INSC: variants seen among roughly 807,000 people sequenced by gnomAD.
INSC encodes protein inscuteable homolog.
In INSC, 67 loss-of-function variants were observed where a neutral mutation model predicts 58.6. The observed-to-expected ratio is 1.14, with a 90% CI of 0.94 to 1.40. The LOEUF (loss-of-function observed/expected upper bound fraction) is 1.40. INSC is among the 40% of genes most tolerant of loss of function. The pLI, the probability that INSC is intolerant of heterozygous loss-of-function variation, is 0.00. For synonymous variants in INSC, 262 were observed against 276.1 expected (o/e 0.95, Z 0.51); for missense variants, 714 against 692.0 (o/e 1.03, Z -0.36).
chr11:15,250,491 G>A (rs1484053464), downstream of INSC, among the ~76,000 whole-genome samples: 2 of 152,122 alleles, frequency 1.3e-5, no homozygotes, highest in African/African-American at 4.8e-5. Context: ...CTTATGCTGG[G>A]CCCCCTTGAT....
chr11:15,121,187 G>A (rs141548629), intron 1 of INSC, among the ~76,000 whole-genome samples: 5 of 151,956 alleles, frequency 3.3e-5, no homozygotes, highest in African/African-American at 9.7e-5. Flanking sequence ...AGTGCAATTC[G>A]GTCCTAATAA....
At chr11:15,227,265 G>A (rs1851676594) in intron 9 of INSC, among the ~76,000 whole-genome samples, 1 of 152,276 alleles carries the variant, frequency 6.6e-6, no homozygotes, top group Admixed American at 6.5e-5. Flanking sequence ...CTGGGTGTTG[G>A]TCCTGCCTGG....
intron 7 of INSC, among the ~76,000 whole-genome samples, chr11:15,209,872 C>A (rs932146653): frequency 6.6e-6 from 1 of 152,110 alleles, no homozygotes; most frequent in African/African-American, 2.4e-5. Context: ...CAGTTTCAGA[C>A]CCTGATGAGG....
Position 15,147,857 on chromosome 11 carries a change from A to G in INSC, c.-45-1273A>G, listed in dbSNP as rs538421213. 4.6e-5 allele frequency among the ~76,000 whole-genome samples: 7 copies of G among 152,262 alleles called. No homozygotes were observed. The South Asian group carries it at 1.5e-3, about 32-fold the overall frequency. On this transcript the variant is annotated intron_variant, in intron 1 of 12. Coordinates refer to ENST00000379556, the MANE Select transcript of INSC (RefSeq NM_001042536.3). ...GGAGTGCTTTGTGTTCACCCACATC[A>G]CTATTAAAGTGCTCCTCCTCCATTC... is the stretch of plus-strand genomic sequence containing the variant.
chr11:15,243,966 A>T (rs1852462269), intron 12 of INSC, among the ~76,000 whole-genome samples: 1 of 126,480 alleles, frequency 7.9e-6, no homozygotes, highest in African/African-American at 3.0e-5. Flanking sequence ...CTGTTTTAAT[A>T]TTTCCTTCTT....
At chr11:15,136,808 A>T (rs148580007) in intron 1 of INSC, among the ~76,000 whole-genome samples, 1 of 152,300 alleles carries the variant, frequency 6.6e-6, no homozygotes, top group African/African-American at 2.4e-5. Context: ...ATTGGAATCA[A>T]CTTCTTCCAA....
chr11:15,167,378 A>G (rs1263730343), intron 2 of INSC, among the ~76,000 whole-genome samples: 1 of 152,032 alleles, frequency 6.6e-6, no homozygotes, highest in Non-Finnish European at 1.5e-5. Flanking sequence ...AATTTGTTCT[A>G]TGTTTTCTTC....
At chr11:15,241,686 C>T in intron 12 of INSC, 1 of 699,962 alleles carries the variant, frequency 1.4e-6, no homozygotes, top group Non-Finnish European at 2.6e-6. Context: ...TCTGGTGAAG[C>T]TTACGGAGCC....
intron 2 of INSC, among the ~76,000 whole-genome samples, chr11:15,169,589 TG>T (rs35631743): frequency 0.44 from 67,346 of 151,812 alleles, 15,823 homozygotes; most frequent in East Asian, 0.86. Flanking sequence ...TCACCCAGGC[TG>T]GAGTGTAGTG....
In INSC at chr11:15,200,909, C is replaced by T. The variant is rs774542334; in HGVS notation, c.779C>T (p.Ser260Phe). 1 of 1,613,028 alleles carries T rather than the reference C, an allele frequency of 6.2e-7. No individual in the cohort carries two copies. Among genetic ancestry groups the T allele is most frequent in the Admixed American group, 1.7e-5 (1 of 59,932 alleles). The change falls in exon 7 of 13, where the codon TCC becomes TTC. Residue 260 changes from serine to phenylalanine, a missense_variant. Transcript: ENST00000379556. ...CCCCAGGCGCTCCGCACGCTGGCCT[C>T]CATCTGCTGCGTGGAAGAGGGTGTC... Reference protein sequence around the residue: ...LYPQALRTLASICCVEEGVHQ... With the variant: ...LYPQALRTLAFICCVEEGVHQ...
intron 6 of INSC, among the ~76,000 whole-genome samples, chr11:15,198,050 C>T (rs947343227): frequency 6.6e-6 from 1 of 152,202 alleles, no homozygotes; most frequent in Non-Finnish European, 1.5e-5. Flanking sequence ...AAGACCAATC[C>T]ATTTTATTTC....
chr11:15,177,171 T>C lies in INSC; in HGVS notation c.455+8T>C. The C allele has an allele frequency of 6.2e-7, 1 of 1,613,350 alleles. No individual in the cohort carries two copies. The highest frequency in any genetic ancestry group is 2.2e-5 in the East Asian group (1 of 44,868). ...CTCGGCAGTCACAGAGAGGTAAATT[T>C]GGACCATAGATCTCCCAGGGTCTGC... is the stretch of plus-strand genomic sequence containing the variant. On this transcript the variant is annotated splice_region_variant and intron_variant, in intron 4 of 12. Coordinates refer to ENST00000379556, the MANE Select transcript of INSC (RefSeq NM_001042536.3).
chr11:15,258,311 G>C, the INSC span, among the ~76,000 whole-genome samples: 1 of 152,158 alleles, frequency 6.6e-6, no homozygotes, highest in Non-Finnish European at 1.5e-5. Flanking sequence ...CTGGGTCAGA[G>C]ACTGAAGATG....
chr11:15,205,529 T>C (rs943443800), intron 7 of INSC, among the ~76,000 whole-genome samples: 5 of 152,208 alleles, frequency 3.3e-5, no homozygotes, highest in Non-Finnish European at 5.9e-5. Flanking sequence ...GCTACTGTGA[T>C]TGTGGCAGGT....
intron 1 of INSC, among the ~76,000 whole-genome samples, chr11:15,148,888 A>G (rs1412069462): frequency 6.6e-6 from 1 of 152,248 alleles, no homozygotes; most frequent in East Asian, 1.9e-4. Flanking sequence ...ATATTTGGCA[A>G]TTGGAATAAG....
intron 7 of INSC, among the ~76,000 whole-genome samples, chr11:15,215,066 A>G (rs1249673265): frequency 1.3e-5 from 2 of 152,210 alleles, no homozygotes; most frequent in African/African-American, 2.4e-5. Context: ...ACTCCCTGGG[A>G]AGAATCTCAG....
At chr11:15,178,770 C>T (rs1849662770) in intron 5 of INSC, among the ~76,000 whole-genome samples, 2 of 152,304 alleles carry the variant, frequency 1.3e-5, no homozygotes, top group Middle Eastern at 3.4e-3. Context: ...TTATTACTCC[C>T]ACCCTTCCCA....
rs951377459 is a variant in INSC at position 15,125,577 on chromosome 11, T to C, written c.-46+10574T>C. ...TTCATTTCATTTTCTATTCTACAGA[T>C]GTCTCTGTAACCCTGCCTACATATG... On this transcript the variant is annotated intron_variant, in intron 1 of 12. Transcript: ENST00000379556. 2.0e-5 allele frequency among the ~76,000 whole-genome samples: 3 copies of C among 152,246 alleles called. No individual in the cohort carries two copies. The South Asian group carries it at 6.2e-4, about 32-fold the overall frequency.
chr11:15,157,665 G>T lies in INSC; in HGVS notation c.56+8435G>T, dbSNP rs80026078. Among the ~76,000 whole-genome samples, 741 of 152,296 alleles carry T rather than the reference G, an allele frequency of 4.9e-3. 9 individuals are homozygous for T. Among genetic ancestry groups the T allele is most frequent in the African/African-American group, 0.017 (701 of 41,562 alleles). On this transcript the variant is annotated intron_variant, in intron 2 of 12. Coordinates refer to ENST00000379556, the MANE Select transcript of INSC (RefSeq NM_001042536.3). ...AGTCAGGCAAGCTATGCAATTATGG[G>T]ATGTTCAGCACTAACACAGTCCAAA...
Sources: allele counts gnomAD v4.1 joint callset (sites outside exome capture counted in the v4.1 genomes callset), GRCh38; gene constraint gnomAD v4.1.1; transcripts MANE v1.5; gene names NCBI Gene and HGNC (gene_info 2026-07-23, HGNC 2026-07-21).